The following WDFY4 variants were observed in gnomAD, a reference collection of about 807,000 sequenced individuals.
WDFY4 encodes the protein WDFY family member 4.
A neutral mutation model predicts 351.9 loss-of-function variants in WDFY4; 169 were observed. That is an observed-to-expected ratio of 0.48 (90% confidence interval 0.42 to 0.55). The LOEUF (loss-of-function observed/expected upper bound fraction) is 0.55. Among genes scored for constraint, WDFY4 ranks in the 20% least tolerant of loss-of-function variants. The pLI is 0.00. For synonymous variants in WDFY4, 1,622 were observed against 1,574.6 expected (o/e 1.03, Z -0.71); for missense variants, 3,803 against 3,935.6 (o/e 0.97, Z 0.90).
chr10:48,867,313 T>A lies in WDFY4; in HGVS notation c.6712T>A (p.Tyr2238Asn), dbSNP rs1189548842. Residue 2238 changes from tyrosine to asparagine, a missense_variant, in exon 40 of 62, where the codon TAT (tyrosine) becomes AAT (asparagine). Tyr to Asn is a moderately radical substitution (Grantham distance 143, BLOSUM62 -2). This residue lies in a region of WDFY4 where 3,054 missense variants were observed against 3,148.6 expected (regional missense o/e 0.97). Coordinates refer to ENST00000325239, the MANE Select transcript of WDFY4 (RefSeq NM_001394531.1). ...CTACAGAAGAAGAGGACAAGAGCTA[T>A]ATGCATCTTTATACAAAGACCATGT... is the stretch of plus-strand genomic sequence containing the variant. Reference protein sequence around the residue: ...ENYRRRGQELYASLYKDHVQR... With the variant: ...ENYRRRGQELNASLYKDHVQR... 1 of 1,505,366 alleles carries A rather than the reference T, an allele frequency of 6.6e-7. No homozygotes were observed. The allele number at this position is 1,505,366 out of a possible 1,614,324, so 93.3% of individuals were successfully genotyped here. A position where few individuals can be genotyped will look rare whatever the true frequency, so the allele number is the denominator to read the frequency against.
At chr10:48,860,502 T>A (rs1429222085) in intron 39 of WDFY4, among the ~76,000 whole-genome samples, 1 of 152,220 alleles carries the variant, frequency 6.6e-6, no homozygotes, top group Non-Finnish European at 1.5e-5. Flanking sequence ...AATACCATAA[T>A]GGGGGTCTAC....
intron 24 of WDFY4, among the ~76,000 whole-genome samples, chr10:48,797,918 C>T (rs116480466): frequency 0.016 from 2,409 of 152,164 alleles, 64 homozygotes; most frequent in African/African-American, 0.052. Flanking sequence ...TATGTGACTT[C>T]GGTGACAAGA....
chr10:48,941,663 G>C, intron 47 of WDFY4, 143 bp from the exon 48 acceptor site: 1 of 789,124 alleles, frequency 1.3e-6, no homozygotes, highest in Non-Finnish European at 2.1e-6. Flanking sequence ...TGTGCTGTCC[G>C]CTGAGAGTTG....
chr10:48,691,998 C>A (rs796769403), intron 1 of WDFY4, among the ~76,000 whole-genome samples: 1 of 152,276 alleles, frequency 6.6e-6, no homozygotes, highest in African/African-American at 2.4e-5. Context: ...AATGCCTGTT[C>A]TTTAGGAGAA....
chr10:48,752,573 A>G (rs145469463), intron 12 of WDFY4, among the ~76,000 whole-genome samples: 14 of 152,328 alleles, frequency 9.2e-5, no homozygotes, highest in African/African-American at 3.1e-4. Flanking sequence ...GCTACCACCA[A>G]TCTGCTTTGG....
chr10:48,916,460 G>T (rs560882816), intron 47 of WDFY4, among the ~76,000 whole-genome samples: 2 of 152,328 alleles, frequency 1.3e-5, no homozygotes, highest in South Asian at 4.1e-4. Context: ...CAGGCATCTA[G>T]AAGCTGGAAG....
rs2066415273 is a variant in WDFY4 at position 48,786,676 on chromosome 10, C to T, written c.3614C>T (p.Ser1205Phe). 3 of 1,552,000 alleles carry T rather than the reference C, an allele frequency of 1.9e-6. No individual in the cohort carries two copies. The highest frequency in any genetic ancestry group is 2.7e-5 in the African/African-American group (2 of 73,038). The change falls in exon 20 of 62, where the codon TCT (serine) becomes TTT (phenylalanine). Residue 1205 changes from serine (S) to phenylalanine (F), a missense_variant. Ser to Phe is a radical substitution (Grantham distance 155, BLOSUM62 -2). This residue lies in a region of WDFY4 where 3,054 missense variants were observed against 3,148.6 expected (regional missense o/e 0.97). Coordinates refer to ENST00000325239, the MANE Select transcript of WDFY4 (RefSeq NM_001394531.1). ...YIQALPGPFL[S>F]MDPSAFVDVY... ...CAGGCTCTACCAGGGCCTTTCCTTT[C>T]TATGGATCCATCCGCATTTGTGGAT...
At chr10:48,794,981 G>A (rs531356333) in intron 23 of WDFY4, among the ~76,000 whole-genome samples, 1 of 152,312 alleles carries the variant, frequency 6.6e-6, no homozygotes, top group African/African-American at 2.4e-5. Context: ...GATTAGGGAT[G>A]GAGGGAGGGT....
At chr10:48,688,333 C>G (rs959377635) in intron 1 of WDFY4, among the ~76,000 whole-genome samples, 1 of 151,888 alleles carries the variant, frequency 6.6e-6, no homozygotes, top group East Asian at 1.9e-4. Context: ...TCAGAATTGG[C>G]TTTCAACAGA....
chr10:48,768,678 A>G (rs151251664), intron 13 of WDFY4, among the ~76,000 whole-genome samples: 86 of 150,876 alleles, frequency 5.7e-4, no homozygotes, highest in African/African-American at 1.9e-3. Context: ...GTGAAGAGTC[A>G]CGGGTCGAGC....
intron 48 of WDFY4, 150 bp from the exon 49 acceptor site, chr10:48,943,180 G>T (rs1252094350): frequency 1.3e-6 from 1 of 785,872 alleles, no homozygotes; most frequent in Non-Finnish European, 1.9e-6. Context: ...TGTGGGTCAT[G>T]CATGAGATGT....
intron 2 of WDFY4, among the ~76,000 whole-genome samples, chr10:48,713,911 C>A (rs1168440586): frequency 6.6e-6 from 1 of 152,212 alleles, no homozygotes; most frequent in Non-Finnish European, 1.5e-5. Context: ...GGTTCCAATA[C>A]TAGCAAGGGG....
At chr10:48,809,078 C>T (rs918103849) in intron 28 of WDFY4, among the ~76,000 whole-genome samples, 1 of 152,108 alleles carries the variant, frequency 6.6e-6, no homozygotes, top group Admixed American at 6.5e-5. Flanking sequence ...GAGAATGGTG[C>T]CTGGAATACT....
chr10:48,752,740 C>T (rs1347056819), intron 12 of WDFY4, among the ~76,000 whole-genome samples: 1 of 152,142 alleles, frequency 6.6e-6, no homozygotes, highest in Admixed American at 6.5e-5. Flanking sequence ...AATAATATTC[C>T]ATCATATGGG....
Position 48,828,786 on chromosome 10 carries a change from A to G in WDFY4, c.6230A>G (p.Glu2077Gly). The G allele has an allele frequency of 6.5e-7, 1 of 1,542,356 alleles. No individual in the cohort carries two copies. Among genetic ancestry groups the G allele is most frequent in the Non-Finnish European group, 8.8e-7 (1 of 1,141,752 alleles). The change falls in exon 37 of 62, where the codon GAA (glutamate) becomes GGA (glycine). Residue 2077 changes from glutamate (E) to glycine (G), a missense_variant. Glu to Gly is a moderately conservative substitution (Grantham distance 98). Transcript: ENST00000325239. ...AATCTCTTATCCACTAGTTACCCAG[A>G]AGGATTTGGATTGGAGCCCAAGCCT... is the stretch of plus-strand genomic sequence containing the variant. ...LLLLNERSYP[E>G]GFGLEPKPRM...
intron 47 of WDFY4, among the ~76,000 whole-genome samples, chr10:48,914,504 A>T (rs1838319823): frequency 6.6e-6 from 1 of 152,140 alleles, no homozygotes; most frequent in South Asian, 2.1e-4. Flanking sequence ...CCGACTTATA[A>T]ATACTCTCCA....
At chr10:48,688,848 G>A (rs898979149) in intron 1 of WDFY4, among the ~76,000 whole-genome samples, 2 of 152,198 alleles carry the variant, frequency 1.3e-5, no homozygotes, top group Non-Finnish European at 2.9e-5. Context: ...TAGAGCATGG[G>A]AGAAAGAGAG....
rs115623643 is a variant in WDFY4 at position 48,752,053 on chromosome 10, G to A, written c.2460-8294G>A. 2.2e-3 allele frequency among the ~76,000 whole-genome samples: 328 copies of A among 152,318 alleles called. 1 individual carries two copies. The highest frequency in any genetic ancestry group is 7.1e-3 in the African/African-American group (296 of 41,570). ...TTTCTGTCGTACCCACAGGTCCCTT[G>A]CGAGATACAAGCCGTCTGGGAACAC... is the stretch of plus-strand genomic sequence containing the variant. On this transcript the variant is annotated intron_variant, in intron 12 of 61. Coordinates refer to ENST00000325239, the MANE Select transcript of WDFY4 (RefSeq NM_001394531.1).
chr10:48,897,600 C>A, intron 45 of WDFY4, 26 bp downstream of exon 45: 1 of 1,538,550 alleles, frequency 6.5e-7, no homozygotes, highest in East Asian at 2.4e-5. Flanking sequence ...GCTGGCACGC[C>A]TGGGGCCTGC....
Sources: allele counts gnomAD v4.1 joint callset (sites outside exome capture counted in the v4.1 genomes callset), GRCh38; gene constraint gnomAD v4.1.1; regional missense constraint gnomAD v4.1.1; transcripts MANE v1.5; gene names NCBI Gene and HGNC (gene_info 2026-07-23, HGNC 2026-07-21).